Variants in SEMA6D observed in about 807,000 individuals in gnomAD.
SEMA6D encodes semaphorin 6D.
Under a neutral mutation model 106.6 loss-of-function variants are expected in SEMA6D, and 35 were observed. The observed-to-expected ratio is 0.33, with a 90% CI of 0.25 to 0.44. The LOEUF is 0.44. SEMA6D is among the 20% of genes least tolerant of loss of function. The pLI is 1.00. For missense variants in SEMA6D, 1,185 were observed against 1,345.9 expected (o/e 0.88, Z 1.87); for synonymous variants, 499 against 487.7 (o/e 1.02, Z -0.31).
At chr15:47,725,023 C>T (rs1333529915) in intron 1 of SEMA6D, among the ~76,000 whole-genome samples, 1 of 152,166 alleles carries the variant, frequency 6.6e-6, no homozygotes, top group Non-Finnish European at 1.5e-5. Context: ...CTGGCTTCAT[C>T]TTTTTTCTTA....
rs71118160 is a variant in SEMA6D, at chr15:47,225,519, GTTTTTTTTTTTTTT to G, written c.-239+41115_-239+41128del. Among the ~76,000 whole-genome samples, 509 of 92,422 alleles carry G rather than the reference GTTTTTTTTTTTTTT, an allele frequency of 5.5e-3. 21 individuals are homozygous for G. Among genetic ancestry groups the G allele is most frequent in the Non-Finnish European group, 1.6e-3 (84 of 51,384 alleles). 60.6% of individuals were successfully genotyped at this position (92,422 alleles called of 152,430 possible). ...ATCGGGTGTTTTTTTCTTGTTGAGG[GTTTTTTTTTTTTTT>G]TTTTTTTTTTTTTGATGGGGTTTTG... On this transcript the variant is annotated intron_variant, in intron 1 of 19. Coordinates refer to the SEMA6D transcript ENST00000558014.
intron 1 of SEMA6D, among the ~76,000 whole-genome samples, chr15:47,227,361 G>T (rs2031753374): frequency 6.7e-6 from 1 of 150,022 alleles, no homozygotes; most frequent in Non-Finnish European, 1.5e-5. Flanking sequence ...TTTGTGATGT[G>T]TCTCTTCCTT....
At chr15:47,509,359 A>G (rs1237295908) in intron 3 of SEMA6D, among the ~76,000 whole-genome samples, 1 of 152,136 alleles carries the variant, frequency 6.6e-6, no homozygotes, top group East Asian at 1.9e-4. Context: ...CACATGTCTC[A>G]ATTCTATTTT....
chr15:47,250,943 G>A (rs1177723583), intron 1 of SEMA6D, among the ~76,000 whole-genome samples: 3 of 152,168 alleles, frequency 2.0e-5, no homozygotes, highest in Non-Finnish European at 4.4e-5. Context: ...AGAAAGATAC[G>A]ATTTTAAATA....
At chr15:47,302,394 A>C (rs2036057765) in intron 1 of SEMA6D, among the ~76,000 whole-genome samples, 1 of 152,234 alleles carries the variant, frequency 6.6e-6, no homozygotes, top group Non-Finnish European at 1.5e-5. Flanking sequence ...AAAATGAAAA[A>C]AGAAAAGCAA....
At chr15:47,653,139 G>A (rs1280888276) in intron 4 of SEMA6D, among the ~76,000 whole-genome samples, 1 of 152,140 alleles carries the variant, frequency 6.6e-6, no homozygotes, top group Non-Finnish European at 1.5e-5. Context: ...CACCTGGCAA[G>A]GTATAATTGA....
intron 3 of SEMA6D, among the ~76,000 whole-genome samples, chr15:47,591,792 AG>A (rs1374366750): frequency 2.0e-5 from 3 of 152,228 alleles, no homozygotes; most frequent in Non-Finnish European, 4.4e-5. Flanking sequence ...GGATGTTGAG[AG>A]AATTTTCATA....
At chr15:47,355,135 G>A (rs2038515861) in intron 1 of SEMA6D, among the ~76,000 whole-genome samples, 1 of 145,892 alleles carries the variant, frequency 6.9e-6, no homozygotes, top group South Asian at 2.1e-4. Flanking sequence ...TGTTCAAGTG[G>A]TAGAGAAAAG....
chr15:47,552,138 C>T (rs943990843), intron 3 of SEMA6D, among the ~76,000 whole-genome samples: 5 of 151,942 alleles, frequency 3.3e-5, no homozygotes, highest in Admixed American at 6.6e-5. Context: ...AAGAATAGTG[C>T]GATGAACTAT....
chr15:47,311,188 T>A (rs2036435875), intron 1 of SEMA6D, among the ~76,000 whole-genome samples: 1 of 152,216 alleles, frequency 6.6e-6, no homozygotes, highest in African/African-American at 2.4e-5. Context: ...TTGATATGTT[T>A]ATTTAGGCAG....
chr15:47,430,287 G>A (rs963573452), intron 2 of SEMA6D, among the ~76,000 whole-genome samples: 3 of 152,006 alleles, frequency 2.0e-5, no homozygotes, highest in African/African-American at 7.2e-5. Context: ...CTACCACAAA[G>A]GAGGAGGGAA....
chr15:47,549,626 G>GT (rs146224126), intron 3 of SEMA6D, among the ~76,000 whole-genome samples: 2,927 of 151,158 alleles, frequency 0.019, 58 homozygotes, highest in South Asian at 0.086. Flanking sequence ...TTCACCATGG[G>GT]TTTTTTTTTG....
intron 3 of SEMA6D, among the ~76,000 whole-genome samples, chr15:47,589,289 G>A (rs568689858): frequency 1.3e-5 from 2 of 152,210 alleles, no homozygotes; most frequent in South Asian, 4.1e-4. Flanking sequence ...CCCCTATGAG[G>A]TGCTATTTTT....
chr15:47,437,453 C>T (rs2041755721), intron 2 of SEMA6D, among the ~76,000 whole-genome samples: 1 of 152,088 alleles, frequency 6.6e-6, no homozygotes, highest in Non-Finnish European at 1.5e-5. Context: ...TACTCAGTTC[C>T]TGCTGGACTG....
Position 47,296,430 on chromosome 15 carries a change from AAC to A in SEMA6D, c.-239+112014_-239+112015del, listed in dbSNP as rs1566979565. On this transcript the variant is annotated intron_variant, in intron 1 of 19. Coordinates refer to the SEMA6D transcript ENST00000558014. Reference sequence around the variant, plus strand: ...CATAAGTGTGGCATGCTGAAAATTAAACAGTCACAAAAACCCATGGCTGTGTG... The same window carrying A: ...CATAAGTGTGGCATGCTGAAAATTAAAGTCACAAAAACCCATGGCTGTGTG... Among the ~76,000 whole-genome samples the A allele has an allele frequency of 6.6e-5, 10 of 152,324 alleles. No homozygotes were observed. The East Asian group carries it at 1.9e-3, about 29-fold the overall frequency.
intron 4 of SEMA6D, among the ~76,000 whole-genome samples, chr15:47,699,345 A>G (rs952000023): frequency 3.3e-5 from 5 of 152,192 alleles, no homozygotes; most frequent in African/African-American, 1.2e-4. Flanking sequence ...TTACAATCCT[A>G]TGAAGATTGA....
intron 1 of SEMA6D, among the ~76,000 whole-genome samples, chr15:47,354,194 T>G (rs1402988238): frequency 7.6e-5 from 1 of 13,202 alleles, no homozygotes; most frequent in Non-Finnish European, 1.6e-4. Flanking sequence ...TCTCTCTCTC[T>G]CTCTCTATAT....
chr15:47,682,211 AT>A (rs1193931553), intron 4 of SEMA6D, among the ~76,000 whole-genome samples: 1 of 148,426 alleles, frequency 6.7e-6, no homozygotes, highest in Non-Finnish European at 1.5e-5. Flanking sequence ...TCTTTCACCC[AT>A]GCTGGACTGC....
chr15:47,760,229 C>A (rs987459856), intron 2 of SEMA6D, 75 bp from the exon 3 acceptor site: 6 of 1,016,474 alleles, frequency 5.9e-6, no homozygotes, highest in Non-Finnish European at 9.2e-6. Flanking sequence ...CAAGTATATA[C>A]AGCTAATCAA....
Sources: gnomAD v4.1 joint callset for allele counts (sites outside exome capture counted in the v4.1 genomes callset) on GRCh38, gnomAD v4.1.1 for gene constraint, MANE v1.5 for transcripts, NCBI Gene and HGNC (gene_info 2026-07-23, HGNC 2026-07-21) for gene names.